The following LYPD6B variants were observed in gnomAD, a reference collection of about 807,000 sequenced individuals.
LYPD6B encodes the protein LY6/PLAUR domain containing 6B.
LYPD6B carries 17 observed loss-of-function variants against 22.8 expected under a neutral mutation model. The observed-to-expected ratio is 0.75, with a 90% CI of 0.51 to 1.12. LYPD6B has a LOEUF of 1.12. Ranked by LOEUF, LYPD6B falls within the 50% of genes most tolerant of loss-of-function variation. The pLI, the probability that LYPD6B is intolerant of heterozygous loss-of-function variation, is 0.00. For synonymous variants in LYPD6B, 106 were observed against 91.6 expected, an observed-to-expected ratio of 1.16 and a Z score of -0.90; for missense variants, 221 against 258.3, an observed-to-expected ratio of 0.86 and a Z score of 0.99.
intron 3 of LYPD6B, among the ~76,000 whole-genome samples, chr2:149,180,033 C>T (rs936002945): frequency 2.6e-5 from 4 of 152,112 alleles, no homozygotes; most frequent in Admixed American, 6.5e-5. Flanking sequence ...TTGTAACTGG[C>T]GAGAAACTGG....
In LYPD6B at chr2:149,201,596, C is replaced by A. The variant is rs549432342; in HGVS notation, c.78-3657C>A. Among the ~76,000 whole-genome samples the A allele has an allele frequency of 1.9e-4, 29 of 152,228 alleles. No homozygotes were observed. In the South Asian group the frequency reaches 5.8e-3, roughly 31 times the overall value. ...TAAAAGTCATGTTAACACAAACATA[C>A]ACACTGAAGAATAGATATAGATAGA... On this transcript the variant is annotated intron_variant, in intron 3 of 6. Coordinates refer to ENST00000409642, the MANE Select transcript of LYPD6B (RefSeq NM_177964.5).
chr2:149,120,675 G>A (rs1173093709), intron 1 of LYPD6B, among the ~76,000 whole-genome samples: 6 of 150,252 alleles, frequency 4.0e-5, no homozygotes, highest in Non-Finnish European at 5.9e-5. Context: ...GAGTCACGGC[G>A]CCTGGCTGCA....
chr2:149,100,870 T>A (rs1471652), intron 1 of LYPD6B, among the ~76,000 whole-genome samples: 41,957 of 152,086 alleles, frequency 0.28, 6,157 homozygotes, highest in East Asian at 0.53. Flanking sequence ...AACAAATTTT[T>A]AAAAATCTGC....
chr2:149,199,825 G>C (rs1398735449), intron 3 of LYPD6B, among the ~76,000 whole-genome samples: 1 of 152,216 alleles, frequency 6.6e-6, no homozygotes, highest in Non-Finnish European at 1.5e-5. Context: ...CCAACGCCCA[G>C]GGAAGGTTAG....
intron 2 of LYPD6B, among the ~76,000 whole-genome samples, chr2:149,140,806 CAG>C (rs1177178987): frequency 6.6e-6 from 1 of 152,134 alleles, no homozygotes; most frequent in Non-Finnish European, 1.5e-5. Flanking sequence ...TTTCTTTCTC[CAG>C]AGAGAAAACT....
chr2:149,053,828 A>C (rs1022777734), intron 1 of LYPD6B, among the ~76,000 whole-genome samples: 2 of 152,212 alleles, frequency 1.3e-5, no homozygotes, highest in African/African-American at 2.4e-5. Flanking sequence ...TCATATAGAT[A>C]GAATCCTACA....
intron 3 of LYPD6B, among the ~76,000 whole-genome samples, chr2:149,183,289 A>G (rs1379087625): frequency 1.3e-5 from 2 of 152,178 alleles, no homozygotes; most frequent in Non-Finnish European, 2.9e-5. Context: ...AGATTGCCCA[A>G]TTCCTAGTTT....
At chr2:149,076,717 TC>T (rs576532408) in intron 1 of LYPD6B, among the ~76,000 whole-genome samples, 79 of 152,278 alleles carry the variant, frequency 5.2e-4, no homozygotes, top group Admixed American at 1.2e-3. Flanking sequence ...AAAAAACTGT[TC>T]TGGATCTAAT....
At chr2:149,160,917 G>A (rs1231733380) in intron 3 of LYPD6B, 82 bp downstream of exon 3, 6 of 1,017,072 alleles carry the variant, frequency 5.9e-6, no homozygotes, top group Non-Finnish European at 3.0e-6. Context: ...ACTCCTGAAA[G>A]TCCCGGGACC....
At chr2:149,157,899 A>G (rs1240900110) in intron 2 of LYPD6B, among the ~76,000 whole-genome samples, 2 of 152,186 alleles carry the variant, frequency 1.3e-5, no homozygotes, top group African/African-American at 2.4e-5. Context: ...ACTTCTTGAC[A>G]TCAGCTTTTT....
At chr2:149,141,125 T>C (rs567181982) in intron 2 of LYPD6B, among the ~76,000 whole-genome samples, 27 of 151,694 alleles carry the variant, frequency 1.8e-4, no homozygotes, top group African/African-American at 6.5e-4. Context: ...GGTAAGAAAA[T>C]AGAGATTGAT....
chr2:149,158,688 C>T (rs1272033881), intron 2 of LYPD6B, among the ~76,000 whole-genome samples: 2 of 152,124 alleles, frequency 1.3e-5, no homozygotes, highest in Non-Finnish European at 2.9e-5. Flanking sequence ...TCATTATGCT[C>T]GTTTTACCAT....
chr2:149,094,592 T>C (rs1444052716), intron 1 of LYPD6B, among the ~76,000 whole-genome samples: 1 of 152,208 alleles, frequency 6.6e-6, no homozygotes, highest in Non-Finnish European at 1.5e-5. Flanking sequence ...ACTGGGATTC[T>C]TGAGAGCATT....
intron 1 of LYPD6B, among the ~76,000 whole-genome samples, chr2:149,096,999 C>G (rs1685933069): frequency 1.3e-5 from 2 of 152,200 alleles, no homozygotes; most frequent in African/African-American, 4.8e-5. Flanking sequence ...TGGGAGGCAT[C>G]CAAACATGCT....
chr2:149,208,285 A>T, intron 4 of LYPD6B, 29 bp from the exon 5 acceptor site: 2 of 1,568,256 alleles, frequency 1.3e-6, no homozygotes, highest in Non-Finnish European at 8.8e-7. Context: ...TCTGTAGCTT[A>T]CTGTTTCACT....
intron 5 of LYPD6B, among the ~76,000 whole-genome samples, chr2:149,211,696 C>T (rs1054229128): frequency 6.6e-6 from 1 of 151,850 alleles, no homozygotes; most frequent in Non-Finnish European, 1.5e-5. Flanking sequence ...ATGACAAAGG[C>T]AGTTCCATAA....
At chr2:149,143,680 C>T (rs1334136976) in intron 2 of LYPD6B, among the ~76,000 whole-genome samples, 1 of 152,092 alleles carries the variant, frequency 6.6e-6, no homozygotes, top group Admixed American at 6.5e-5. Context: ...CAGTAAATAA[C>T]CCCCACAGAG....
intron 1 of LYPD6B, among the ~76,000 whole-genome samples, chr2:149,120,361 G>GTGTA (rs796413041): frequency 6.5e-4 from 25 of 38,742 alleles, no homozygotes; most frequent in South Asian, 1.3e-3. Context: ...GTGTGTGTGT[G>GTGTA]TATATATATA....
chr2:149,172,305 G>T (rs1690891022), intron 3 of LYPD6B, among the ~76,000 whole-genome samples: 1 of 152,144 alleles, frequency 6.6e-6, no homozygotes, highest in South Asian at 2.1e-4. Context: ...CCCATGTCAT[G>T]TGAGGATTAT....
Sources: allele counts gnomAD v4.1 joint callset (sites outside exome capture counted in the v4.1 genomes callset), GRCh38; gene constraint gnomAD v4.1.1; transcripts MANE v1.5; gene names NCBI Gene and HGNC (gene_info 2026-07-23, HGNC 2026-07-21).